Variants in PRKG2 observed in about 807,000 individuals in gnomAD.
PRKG2 encodes cGMP-dependent protein kinase 2.
In PRKG2, 33 loss-of-function variants were observed where a neutral mutation model predicts 97.2. That is an observed-to-expected ratio of 0.34 (90% confidence interval 0.26 to 0.45). The LOEUF (loss-of-function observed/expected upper bound fraction) is 0.45. PRKG2 is among the 20% of genes least tolerant of loss of function. PRKG2 has a pLI of 1.00. For synonymous variants in PRKG2, 330 were observed against 321.8 expected, an observed-to-expected ratio of 1.03 and a Z score of -0.27; for missense variants, 638 against 900.0, an observed-to-expected ratio of 0.71 and a Z score of 3.73.
intron 9 of PRKG2, among the ~76,000 whole-genome samples, chr4:81,147,957 T>C (rs1748016316): frequency 6.6e-6 from 1 of 152,136 alleles, no homozygotes; most frequent in South Asian, 2.1e-4. Context: ...GGGGTATAGA[T>C]AAGGCATAAA....
At chr4:81,109,229 AG>A (rs1743662598) in intron 15 of PRKG2, among the ~76,000 whole-genome samples, 2 of 152,202 alleles carry the variant, frequency 1.3e-5, no homozygotes, top group African/African-American at 4.8e-5. Flanking sequence ...ATGTAGCCAC[AG>A]ATAGTCTAAC....
intron 15 of PRKG2, among the ~76,000 whole-genome samples, chr4:81,106,882 A>G (rs1013343311): frequency 2.6e-5 from 4 of 152,170 alleles, no homozygotes; most frequent in African/African-American, 9.7e-5. Flanking sequence ...GTCAGCAGTA[A>G]CTCAGATTAG....
chr4:81,142,503 T>A (rs1353800334), intron 11 of PRKG2, among the ~76,000 whole-genome samples: 2 of 152,232 alleles, frequency 1.3e-5, no homozygotes, highest in Non-Finnish European at 2.9e-5. Flanking sequence ...TACATTATTT[T>A]ATGTTTCCTT....
At chr4:81,185,927 C>T (rs1190960494) in intron 2 of PRKG2, among the ~76,000 whole-genome samples, 2 of 152,154 alleles carry the variant, frequency 1.3e-5, no homozygotes, top group Non-Finnish European at 2.9e-5. Context: ...AGCTAATTAT[C>T]CTAAATACAT....
chr4:81,156,873 G>C (rs1749146168), intron 6 of PRKG2, among the ~76,000 whole-genome samples: 1 of 152,188 alleles, frequency 6.6e-6, no homozygotes, highest in Non-Finnish European at 1.5e-5. Context: ...GATGTTCTTT[G>C]AAACCAACAA....
chr4:81,204,556 T>C (rs750478210), intron 2 of PRKG2, 31 bp downstream of exon 2: 3 of 1,570,620 alleles, frequency 1.9e-6, no homozygotes, highest in African/African-American at 1.4e-5. Flanking sequence ...ATTAAGCCCA[T>C]CTGAGTTTAA....
rs753602030 is a variant in PRKG2, at chr4:81,140,673, T to C, written c.1408-4A>G. ...CATTCTCATTTTTTACTTTAACCTA[T>C]GTAAGAAATGGAAAGATACCTCAAA... is the stretch of plus-strand genomic sequence containing the variant. On this transcript the variant is annotated splice_polypyrimidine_tract_variant and splice_region_variant and intron_variant, in intron 11 of 18. Transcript: ENST00000264399. 55 of 1,600,784 alleles carry C rather than the reference T, an allele frequency of 3.4e-5. No homozygotes were observed. The highest frequency in any genetic ancestry group is 1.7e-4 in the African/African-American group (13 of 74,622).
At chr4:81,202,731 AT>A (rs11393734) in intron 2 of PRKG2, among the ~76,000 whole-genome samples, 68 of 150,318 alleles carry the variant, frequency 4.5e-4, no homozygotes, top group Admixed American at 1.7e-3. Context: ...ATAACTACTG[AT>A]TTTTTTTTTG....
chr4:81,113,411 C>T (rs534516017), intron 14 of PRKG2, among the ~76,000 whole-genome samples: 4 of 151,076 alleles, frequency 2.6e-5, no homozygotes, highest in African/African-American at 4.9e-5. Flanking sequence ...GGTTTCAAGA[C>T]GAGTACCTGA....
chr4:81,127,398 G>T (rs563469885), intron 14 of PRKG2, among the ~76,000 whole-genome samples: 80 of 152,234 alleles, frequency 5.3e-4, no homozygotes, highest in South Asian at 1.0e-3. Flanking sequence ...TTCTAATTCT[G>T]TGAAGAAAGT....
chr4:81,189,657 T>A (rs897687587), intron 2 of PRKG2, among the ~76,000 whole-genome samples: 1 of 151,484 alleles, frequency 6.6e-6, no homozygotes, highest in African/African-American at 2.4e-5. Flanking sequence ...ATATACCTAA[T>A]GCTAAATGAC....
At chr4:81,112,655 A>G (rs1310641988) in intron 14 of PRKG2, among the ~76,000 whole-genome samples, 2 of 152,140 alleles carry the variant, frequency 1.3e-5, no homozygotes, top group African/African-American at 2.4e-5. Context: ...AAATTTCAAG[A>G]CTGATGTAAA....
chr4:81,154,917 G>C (rs889208023), intron 6 of PRKG2, among the ~76,000 whole-genome samples: 8 of 152,162 alleles, frequency 5.3e-5, no homozygotes, highest in Admixed American at 3.3e-4. Flanking sequence ...GCTCACGCCT[G>C]TAATCCCAGC....
chr4:81,199,173 T>C (rs1753143026), intron 2 of PRKG2, among the ~76,000 whole-genome samples: 1 of 152,156 alleles, frequency 6.6e-6, no homozygotes, highest in Non-Finnish European at 1.5e-5. Context: ...GCCTCTCATA[T>C]GGCAACATGT....
chr4:81,155,133 C>A (rs1748907916), intron 6 of PRKG2, among the ~76,000 whole-genome samples: 2 of 140,638 alleles, frequency 1.4e-5, no homozygotes, highest in South Asian at 4.6e-4. Context: ...AGCCGAGATC[C>A]CGCCACTGCA....
At chr4:81,135,324 T>A in intron 13 of PRKG2, 28 bp from the exon 14 acceptor site, 4 of 1,605,902 alleles carry the variant, frequency 2.5e-6, no homozygotes, top group Middle Eastern at 3.3e-4. Flanking sequence ...TCCCTCTTAA[T>A]ACTTTGGATA....
intron 2 of PRKG2, among the ~76,000 whole-genome samples, chr4:81,180,647 A>G (rs975034558): frequency 6.6e-6 from 1 of 152,274 alleles, no homozygotes. Context: ...AAATTAAAAG[A>G]AAAAATAGAC....
At chr4:81,089,941 C>T (rs955506635) in intron 18 of PRKG2, 138 bp from the exon 19 acceptor site, 1 of 676,900 alleles carries the variant, frequency 1.5e-6, no homozygotes. Flanking sequence ...AAAAAATGAC[C>T]AATTATCATT....
chr4:81,140,228 C>A (rs566408652), intron 12 of PRKG2, among the ~76,000 whole-genome samples: 111 of 152,174 alleles, frequency 7.3e-4, no homozygotes, highest in Non-Finnish European at 1.1e-3. Context: ...AGAATAAGAT[C>A]TAGCAATTGA....
Sources: gnomAD v4.1 joint callset for allele counts (sites outside exome capture counted in the v4.1 genomes callset) on GRCh38, gnomAD v4.1.1 for gene constraint, MANE v1.5 for transcripts, NCBI Gene and HGNC (gene_info 2026-07-23, HGNC 2026-07-21) for gene names.